The following CELSR1 variants were observed in gnomAD, a reference collection of about 807,000 sequenced individuals.
The protein encoded by CELSR1 is cadherin EGF LAG seven-pass G-type receptor 1.
Under a neutral mutation model 249.1 loss-of-function variants are expected in CELSR1, and 110 were observed. That is an observed-to-expected ratio of 0.44 (90% CI 0.38 to 0.52). The LOEUF (loss-of-function observed/expected upper bound fraction) is 0.52, where lower values mean the gene tolerates loss of function less well. Among genes scored for constraint, CELSR1 ranks in the 20% least tolerant of loss-of-function variants. The pLI is 0.00. For missense variants in CELSR1, 4,109 were observed against 4,296.4 expected (o/e 0.96, Z 1.22); for synonymous variants, 2,113 against 1,900.0 (o/e 1.11, Z -2.92).
At position 46,399,232 on chromosome 22, in the gene CELSR1, T is replaced by C. The variant is rs998514865; in HGVS notation, c.5412+485A>G. On this transcript the variant is annotated intron_variant, in intron 10 of 34. Transcript: ENST00000674500. This position sits in a 1 kb window ranked among gnomAD's most constrained non-coding sequence, Gnocchi z 5.0. ...CTAGTTTGGTTAAGTGTTCCGAACA[T>C]TGTCTGGGATACCACCACCTGCCTG... Among the ~76,000 whole-genome samples the C allele has an allele frequency of 2.6e-5, 4 of 152,160 alleles. No homozygotes were observed. The highest frequency in any genetic ancestry group is 2.1e-4 in the South Asian group (1 of 4,834).
intron 2 of CELSR1, among the ~76,000 whole-genome samples, chr22:46,456,419 G>A (rs1240239161): frequency 6.6e-6 from 1 of 152,126 alleles, no homozygotes; most frequent in Non-Finnish European, 1.5e-5. Flanking sequence ...CAGCACTTTG[G>A]GAGGCCAAGG....
In CELSR1 at chr22:46,377,175, C is replaced by T; in HGVS notation, c.7470G>A (p.Leu2490=). ...LAALLVAFVL[L]SLVRMLRSNL... ...TGGAGCGCAGCATGCGGACCAGGCT[C>T]AGGAGGACGAAGGCCACCAGCAGGG... The change falls in exon 24 of 35, where the codon CTG becomes CTA. Residue 2490 remains leucine, a synonymous_variant. Coordinates refer to ENST00000674500, the MANE Select transcript of CELSR1 (RefSeq NM_001378328.1). 2.5e-6 allele frequency: 4 copies of T among 1,613,760 alleles called. No homozygotes were observed. In the South Asian group the frequency reaches 3.3e-5, roughly 13 times the overall value.
chr22:46,451,475 G>T (rs2079883822), intron 2 of CELSR1, among the ~76,000 whole-genome samples: 1 of 152,204 alleles, frequency 6.6e-6, no homozygotes. Context: ...GTTTCTTACG[G>T]GAGTCACCTA....
At chr22:46,494,025 A>C (rs948365062) in intron 1 of CELSR1, among the ~76,000 whole-genome samples, 4 of 152,226 alleles carry the variant, frequency 2.6e-5, no homozygotes, top group Non-Finnish European at 4.4e-5. Context: ...GAATATTAAG[A>C]ATGAAACAGA....
chr22:46,516,963 T>C (rs187090814), intron 1 of CELSR1, among the ~76,000 whole-genome samples: 1 of 152,200 alleles, frequency 6.6e-6, no homozygotes, highest in African/African-American at 2.4e-5. Context: ...GGCAAAGCCA[T>C]GGGATGCCCT....
At chr22:46,528,460 C>A (rs1189641917) in intron 1 of CELSR1, among the ~76,000 whole-genome samples, 2 of 152,196 alleles carry the variant, frequency 1.3e-5, no homozygotes, top group African/African-American at 4.8e-5. Context: ...ACACACACAG[C>A]AGGAGAGGCA....
chr22:46,418,849 C>T (rs973457103), intron 5 of CELSR1, among the ~76,000 whole-genome samples: 4 of 152,190 alleles, frequency 2.6e-5, no homozygotes, highest in East Asian at 1.9e-4. Context: ...CCCGTTTCCC[C>T]GATGATTCTG....
At chr22:46,462,366 C>T (rs537419435) in intron 2 of CELSR1, among the ~76,000 whole-genome samples, 3 of 152,194 alleles carry the variant, frequency 2.0e-5, no homozygotes, top group South Asian at 2.1e-4. Context: ...TGCCAACACC[C>T]GTGCTGGTGG....
intron 1 of CELSR1, among the ~76,000 whole-genome samples, chr22:46,501,194 G>A (rs1464627414): frequency 2.2e-5 from 3 of 133,936 alleles, no homozygotes; most frequent in East Asian, 2.5e-4. Context: ...CATCATGCCC[G>A]GCTAATTTTT....
At position 46,488,410 on chromosome 22, in the gene CELSR1, A is replaced by C. The variant is rs5768822; in HGVS notation, c.3545-24065T>G. Among the ~76,000 whole-genome samples the C allele has an allele frequency of 3.3e-5, 5 of 151,998 alleles. No homozygotes were observed. Among genetic ancestry groups the C allele is most frequent in the Non-Finnish European group, 7.4e-5 (5 of 67,948 alleles). On this transcript the variant is annotated intron_variant, in intron 1 of 34. Transcript: ENST00000674500. This position sits in a 1 kb window ranked among gnomAD's most constrained non-coding sequence, Gnocchi z 4.7. ...CTGCTCGCCTACAGCCGGCGAGTGC[A>C]GCACAGGAGGCCACCGTAGTGCCAT...
rs2080515195 is a variant in CELSR1 at position 46,506,350 on chromosome 22, T to C, written c.3544+27277A>G. Among the ~76,000 whole-genome samples, 1 of 151,892 alleles carries C rather than the reference T, an allele frequency of 6.6e-6. No individual in the cohort carries two copies. The highest frequency in any genetic ancestry group is 6.6e-5 in the Admixed American group (1 of 15,226). On this transcript the variant is annotated intron_variant, in intron 1 of 34. Coordinates refer to ENST00000674500, the MANE Select transcript of CELSR1 (RefSeq NM_001378328.1). This position sits in a 1 kb window ranked among gnomAD's most constrained non-coding sequence, Gnocchi z 4.1. ...CAGAGCCCCGCAGGCCCTGTTGGGG[T>C]TTGGGGAGGCCCCACCTCCCTCCTC...
At chr22:46,479,489 A>G (rs1268295637) in intron 1 of CELSR1, among the ~76,000 whole-genome samples, 1 of 152,018 alleles carries the variant, frequency 6.6e-6, no homozygotes, top group Non-Finnish European at 1.5e-5. Flanking sequence ...CTGAACCGGC[A>G]CTGCAGCCAT....
intron 1 of CELSR1, among the ~76,000 whole-genome samples, chr22:46,531,185 TTTTATTTATTTA>T (rs151076267): frequency 0.35 from 51,302 of 147,900 alleles, 10,567 homozygotes; most frequent in African/African-American, 0.58. Context: ...CTGCGCATCC[TTTTATTTATTTA>T]TTTATTTATT....
At chr22:46,373,125 A>C in intron 24 of CELSR1, 68 bp from the exon 25 acceptor site, 2 of 1,368,220 alleles carry the variant, frequency 1.5e-6, no homozygotes, top group Non-Finnish European at 2.0e-6. Context: ...GGCATGAGTG[A>C]GGGGTGGGGG....
Position 46,384,689 on chromosome 22 carries a change from G to A in CELSR1, c.6740-3C>T, listed in dbSNP as rs766161868. 6 of 1,610,760 alleles carry A rather than the reference G, an allele frequency of 3.7e-6. No individual in the cohort carries two copies. Among genetic ancestry groups the A allele is most frequent in the East Asian group, 4.5e-5 (2 of 44,826 alleles). On this transcript the variant is annotated splice_polypyrimidine_tract_variant and splice_region_variant and intron_variant, in intron 19 of 34. Transcript: ENST00000674500. ...GTCAAAGATGTCGACAGCAAGAACT[G>A]GGGGGACAGTTCCTTTAATCAGACA...
In CELSR1 at chr22:46,517,178, A is replaced by G. The variant is rs2080636508; in HGVS notation, c.3544+16449T>C. ...GCCTCAGTTTTCCCAGCTGCAGAGC[A>G]TGGAGCTGCCAGGTGCAAGTTTGGC... On this transcript the variant is annotated intron_variant, in intron 1 of 34. Coordinates refer to ENST00000674500, the MANE Select transcript of CELSR1 (RefSeq NM_001378328.1). The surrounding 1 kb of genome is among the most constrained non-coding windows in gnomAD (Gnocchi z 5.4). 6.6e-6 allele frequency among the ~76,000 whole-genome samples: 1 copy of G among 152,224 alleles called. No homozygotes were observed. Among genetic ancestry groups the G allele is most frequent in the Non-Finnish European group, 1.5e-5 (1 of 68,032 alleles).
In CELSR1 at chr22:46,429,146, T is replaced by C. The variant is rs7288371; in HGVS notation, c.4611+4247A>G. 0.27 allele frequency among the ~76,000 whole-genome samples: 40,725 copies of C among 151,872 alleles called. 7,588 individuals are homozygous for C. The highest frequency in any genetic ancestry group is 0.53 in the African/African-American group (22,049 of 41,384). Reference sequence around the variant, plus strand: ...CCCATCCTTCCAGACGGCCCCTCCCTAGCACTGTCTCCGTGGGGAATAAGC... The same window carrying C: ...CCCATCCTTCCAGACGGCCCCTCCCCAGCACTGTCTCCGTGGGGAATAAGC... On this transcript the variant is annotated intron_variant, in intron 5 of 34. Coordinates refer to ENST00000674500, the MANE Select transcript of CELSR1 (RefSeq NM_001378328.1). The surrounding 1 kb of genome is among the most constrained non-coding windows in gnomAD (Gnocchi z 4.1).
chr22:46,380,385 A>G lies in CELSR1; in HGVS notation c.7256+403T>C. Among the ~76,000 whole-genome samples, 1 of 152,126 alleles carries G rather than the reference A, an allele frequency of 6.6e-6. No individual in the cohort carries two copies. On this transcript the variant is annotated intron_variant, in intron 22 of 34. Transcript: ENST00000674500. The surrounding 1 kb of genome is among the most constrained non-coding windows in gnomAD (Gnocchi z 5.1). ...CAAGACCGTCAGCAGATGGGCTCTT[A>G]GGCCAGTCTCTGGGTTCTGTCTCCC...
rs1235155808 is a variant in CELSR1 at position 46,412,216 on chromosome 22, T to G, written c.4612-457A>C. On this transcript the variant is annotated intron_variant, in intron 5 of 34. Transcript: ENST00000674500. This position sits in a 1 kb window ranked among gnomAD's most constrained non-coding sequence, Gnocchi z 4.5. Reference sequence around the variant, plus strand: ...CAGGAAGGGTCCTCCCCTTCAGCCTTCGGAGGAGGCACGGCCCTACCCGCG... The same window carrying G: ...CAGGAAGGGTCCTCCCCTTCAGCCTGCGGAGGAGGCACGGCCCTACCCGCG... Among the ~76,000 whole-genome samples the G allele has an allele frequency of 6.6e-6, 1 of 152,064 alleles. No homozygotes were observed. Among genetic ancestry groups the G allele is most frequent in the East Asian group, 1.9e-4 (1 of 5,168 alleles).
Sources: allele counts gnomAD v4.1 joint callset (sites outside exome capture counted in the v4.1 genomes callset), GRCh38; gene constraint gnomAD v4.1.1; non-coding constraint Gnocchi (gnomAD v3.1); transcripts MANE v1.5; gene names NCBI Gene and HGNC (gene_info 2026-07-23, HGNC 2026-07-21).